The following LIMCH1 variants were observed in gnomAD, a reference collection of about 807,000 sequenced individuals.
LIMCH1 encodes LIM and calponin homology domains-containing protein 1.
LIMCH1 carries 113 observed loss-of-function variants against 176.5 expected under a neutral mutation model. The ratio of observed to expected loss-of-function variants is 0.64; its 90% confidence interval spans 0.55 to 0.75. The LOEUF is 0.75. Ranked by LOEUF, LIMCH1 falls within the 30% of genes least tolerant of loss-of-function variation. The pLI is 0.00. For missense variants in LIMCH1, 1,674 were observed against 1,814.9 expected (o/e 0.92, Z 1.41); for synonymous variants, 619 against 645.9 (o/e 0.96, Z 0.63).
intron 1 of LIMCH1, among the ~76,000 whole-genome samples, chr4:41,568,655 T>C (rs535098581): frequency 8.9e-4 from 135 of 152,358 alleles, no homozygotes; most frequent in Admixed American, 1.6e-3. Flanking sequence ...CTGTGGATAT[T>C]GGAGGATATA....
intron 23 of LIMCH1, 53 bp from the exon 24 acceptor site, chr4:41,679,953 C>A: frequency 8.1e-7 from 1 of 1,236,400 alleles, no homozygotes; most frequent in Non-Finnish European, 1.2e-6. Flanking sequence ...GGAAAATTCC[C>A]GATGACGTAT....
intron 1 of LIMCH1, among the ~76,000 whole-genome samples, chr4:41,594,734 C>G (rs991493666): frequency 6.6e-6 from 1 of 152,056 alleles, no homozygotes; most frequent in Non-Finnish European, 1.5e-5. Flanking sequence ...CAGCACAAAG[C>G]TTTTGTGTTT....
chr4:41,443,013 T>C (rs2062856620), intron 1 of LIMCH1, among the ~76,000 whole-genome samples: 1 of 152,200 alleles, frequency 6.6e-6, no homozygotes, highest in South Asian at 2.1e-4. Flanking sequence ...AGATGCTAGA[T>C]TTTTATCAAA....
chr4:41,676,772 A>G (rs559709993), intron 23 of LIMCH1, among the ~76,000 whole-genome samples: 1 of 152,318 alleles, frequency 6.6e-6, no homozygotes, highest in African/African-American at 2.4e-5. Flanking sequence ...ATTTCCAGTC[A>G]AGTAGCAGTG....
intron 13 of LIMCH1, among the ~76,000 whole-genome samples, chr4:41,636,847 A>G (rs549959229): frequency 3.0e-4 from 45 of 152,334 alleles, no homozygotes; most frequent in African/African-American, 9.4e-4. Context: ...ATACTATTTG[A>G]GTCTGTTTAC....
chr4:41,697,373 T>TG lies in LIMCH1; in HGVS notation c.*188_*189insG. The TG allele has an allele frequency of 2.1e-6, 1 of 480,268 alleles. No individual in the cohort carries two copies. Among genetic ancestry groups the TG allele is most frequent in the South Asian group, 3.4e-5 (1 of 29,182 alleles). The allele number at this position is 480,268 out of a possible 1,614,324, so 29.8% of individuals were successfully genotyped here. A position where few individuals can be genotyped will look rare whatever the true frequency, so the allele number is the denominator to read the frequency against. On this transcript the variant is annotated 3_prime_UTR_variant, in exon 32 of 32. Transcript: ENST00000503057. ...GTTTTTCCTGTTTATTGTTTTGGTT[T>TG]TTTTTTTTTTTTTGCATTTGCACAG... is the stretch of plus-strand genomic sequence containing the variant.
At chr4:41,457,209 T>C (rs1561432586) in intron 1 of LIMCH1, among the ~76,000 whole-genome samples, 1 of 152,196 alleles carries the variant, frequency 6.6e-6, no homozygotes, top group Non-Finnish European at 1.5e-5. Flanking sequence ...ATTTCTCAAT[T>C]GGCAATTAAT....
At chr4:41,450,684 A>G (rs959621527) in intron 1 of LIMCH1, among the ~76,000 whole-genome samples, 2 of 151,108 alleles carry the variant, frequency 1.3e-5, no homozygotes, top group African/African-American at 2.4e-5. Flanking sequence ...AGTCCCAGCT[A>G]CTCAGGAGGC....
chr4:41,602,664 T>C (rs1361343788), intron 2 of LIMCH1, among the ~76,000 whole-genome samples: 1 of 151,888 alleles, frequency 6.6e-6, no homozygotes, highest in African/African-American at 2.4e-5. Context: ...AAAAATTAGC[T>C]GGTCATGGTG....
intron 1 of LIMCH1, among the ~76,000 whole-genome samples, chr4:41,571,215 T>C (rs1164852688): frequency 6.6e-6 from 1 of 151,974 alleles, no homozygotes; most frequent in African/African-American, 2.4e-5. Flanking sequence ...TTTTTTGTCT[T>C]GTTTATAGGA....
Position 41,597,026 on chromosome 4 carries a change from A to G in LIMCH1, c.-240-1894A>G, listed in dbSNP as rs2088981746. Reference sequence around the variant, plus strand: ...CCTTCACACCGTCTACCTCCCCCCAACCCCACCTGCAACAATCTCCTTCCA... The same window carrying G: ...CCTTCACACCGTCTACCTCCCCCCAGCCCCACCTGCAACAATCTCCTTCCA... On this transcript the variant is annotated intron_variant, in intron 1 of 31. Transcript: ENST00000503057. Among the ~76,000 whole-genome samples the G allele has an allele frequency of 6.0e-5, 9 of 150,856 alleles. No individual in the cohort carries two copies. In the South Asian group the frequency reaches 1.9e-3, roughly 32 times the overall value.
intron 1 of LIMCH1, among the ~76,000 whole-genome samples, chr4:41,479,159 A>G (rs1339012182): frequency 1.3e-5 from 2 of 152,240 alleles, no homozygotes; most frequent in Non-Finnish European, 2.9e-5. Flanking sequence ...GGTCATTTCA[A>G]AATAAATTAT....
At chr4:41,570,226 T>C (rs1253389588) in intron 1 of LIMCH1, among the ~76,000 whole-genome samples, 1 of 152,256 alleles carries the variant, frequency 6.6e-6, no homozygotes, top group Non-Finnish European at 1.5e-5. Flanking sequence ...CGCATAATTC[T>C]GTGGCCATTC....
At chr4:41,686,073 A>G (rs1289148411) in intron 28 of LIMCH1, among the ~76,000 whole-genome samples, 1 of 152,190 alleles carries the variant, frequency 6.6e-6, no homozygotes, top group African/African-American at 2.4e-5. Flanking sequence ...TTAGCCCACA[A>G]ATTTAAACAT....
intron 1 of LIMCH1, among the ~76,000 whole-genome samples, chr4:41,438,694 T>TG (rs1390955370): frequency 6.6e-6 from 1 of 152,096 alleles, no homozygotes; most frequent in Non-Finnish European, 1.5e-5. Flanking sequence ...AGGACTATTT[T>TG]TTTTTTTTGT....
intron 1 of LIMCH1, among the ~76,000 whole-genome samples, chr4:41,481,498 A>T (rs1168907482): frequency 6.6e-6 from 1 of 152,336 alleles, no homozygotes; most frequent in Non-Finnish European, 1.5e-5. Flanking sequence ...GCATAAAGAA[A>T]GGACATAGAT....
intron 1 of LIMCH1, among the ~76,000 whole-genome samples, chr4:41,411,983 A>T (rs1438196066): frequency 6.6e-6 from 1 of 150,896 alleles, no homozygotes; most frequent in African/African-American, 2.4e-5. Context: ...AAAAAAAAAA[A>T]AAAGGATAGC....
At chr4:41,360,747 C>G (rs2051854546), upstream of LIMCH1, 2 of 859,968 alleles carry the variant, frequency 2.3e-6, no homozygotes, top group Middle Eastern at 3.8e-4. This position sits in a 1 kb window ranked among gnomAD's most constrained non-coding sequence, Gnocchi z 4.5. Context: ...GAGGGGAGGC[C>G]GGCGGGCGGG....
intron 1 of LIMCH1, among the ~76,000 whole-genome samples, chr4:41,587,931 T>A (rs142864822): frequency 1.6e-4 from 24 of 152,340 alleles, no homozygotes; most frequent in African/African-American, 4.6e-4. Flanking sequence ...TTCTTTTTTT[T>A]ATTTTGTTTT....
Sources: gnomAD v4.1 joint callset for allele counts (sites outside exome capture counted in the v4.1 genomes callset) on GRCh38, gnomAD v4.1.1 for gene constraint, Gnocchi (gnomAD v3.1) non-coding constraint, MANE v1.5 for transcripts, NCBI Gene and HGNC (gene_info 2026-07-23, HGNC 2026-07-21) for gene names.